The following PKN3 variants were observed in gnomAD, a reference collection of about 807,000 sequenced individuals.
The protein encoded by PKN3 is serine/threonine-protein kinase N3.
A neutral mutation model predicts 113.1 loss-of-function variants in PKN3; 91 were observed. The observed-to-expected ratio is 0.80, with a 90% confidence interval of 0.68 to 0.96. PKN3 has a LOEUF of 0.96. PKN3 is among the 40% of genes least tolerant of loss of function. The pLI is 0.00. For missense variants in PKN3, 1,052 were observed against 1,202.2 expected (o/e 0.88, Z 1.85); for synonymous variants, 467 against 499.0 (o/e 0.94, Z 0.85).
chr9:128,710,554 C>T (rs931579458), intron 6 of PKN3, among the ~76,000 whole-genome samples: 6 of 151,874 alleles, frequency 4.0e-5, no homozygotes, highest in Non-Finnish European at 7.4e-5. Flanking sequence ...TGCAGTGGTG[C>T]GATATCAGCT....
Position 128,705,285 on chromosome 9 carries a change from T to C in PKN3, c.25-18T>C, listed in dbSNP as rs1181423014. ...CCCATGGCTGTTCTCCACCCTCTGC[T>C]TTCCACCGGCTCTGCAGCCTGGGCC... On this transcript the variant is annotated intron_variant, in intron 1 of 21. Coordinates refer to ENST00000291906, the MANE Select transcript of PKN3 (RefSeq NM_013355.5). 1.3e-6 allele frequency: 2 copies of C among 1,549,652 alleles called. No homozygotes were observed. Among genetic ancestry groups the C allele is most frequent in the Non-Finnish European group, 8.7e-7 (1 of 1,147,056 alleles).
Position 128,715,505 on chromosome 9 carries a change from T to A in PKN3, c.1808+45T>A. 4.1e-6 allele frequency: 6 copies of A among 1,470,704 alleles called. No homozygotes were observed. The highest frequency in any genetic ancestry group is 5.7e-6 in the Non-Finnish European group (6 of 1,051,772). 91.1% of individuals were successfully genotyped at this position (1,470,704 alleles called of 1,614,324 possible). ...GGCACCCAGGATGGCTGGCCTGGGC[T>A]GTGGCATCCAGAGGGCAGTTGAAGG... On this transcript the variant is annotated intron_variant, in intron 15 of 21. Coordinates refer to ENST00000291906, the MANE Select transcript of PKN3 (RefSeq NM_013355.5). This position sits in a 1 kb window ranked among gnomAD's most constrained non-coding sequence, Gnocchi z 4.1.
At chr9:128,708,916 G>T (rs1862098684) in intron 6 of PKN3, among the ~76,000 whole-genome samples, 1 of 151,920 alleles carries the variant, frequency 6.6e-6, no homozygotes. Context: ...GTTTAGGAGG[G>T]TGAGGCATGT....
At chr9:128,716,489 T>C (rs1002116556) in intron 15 of PKN3, among the ~76,000 whole-genome samples, 8 of 151,232 alleles carry the variant, frequency 5.3e-5, no homozygotes, top group African/African-American at 2.0e-4. Flanking sequence ...TCCCAGCTAC[T>C]CGGGAGGCTG....
At chr9:128,709,752 CAAAAA>C in intron 6 of PKN3, 1 of 132,050 alleles carries the variant, frequency 7.6e-6, no homozygotes. Flanking sequence ...AACTCTGTCT[CAAAAA>C]AAAAAAAAAT....
Position 128,715,480 on chromosome 9 carries a change from G to A in PKN3, c.1808+20G>A. On this transcript the variant is annotated intron_variant, in intron 15 of 21. Transcript: ENST00000291906. The surrounding 1 kb of genome is among the most constrained non-coding windows in gnomAD (Gnocchi z 4.1). ...AGAGAGGTGTGTGGGGGTGCCGCAG[G>A]GCACCCAGGATGGCTGGCCTGGGCT... 1 of 1,598,364 alleles carries A rather than the reference G, an allele frequency of 6.3e-7. No individual in the cohort carries two copies. Among genetic ancestry groups the A allele is most frequent in the South Asian group, 1.1e-5 (1 of 90,764 alleles).
In PKN3 at chr9:128,702,775, G is replaced by C. The variant is rs1191598855; in HGVS notation, c.-141G>C. 1 of 638,452 alleles carries C rather than the reference G, an allele frequency of 1.6e-6. No homozygotes were observed. The highest frequency in any genetic ancestry group is 1.9e-5 in the African/African-American group (1 of 51,556). The allele number at this position is 638,452 out of a possible 1,614,324, so 39.5% of individuals were successfully genotyped here. On this transcript the variant is annotated 5_prime_UTR_variant, in exon 1 of 22. Transcript: ENST00000291906. Reference sequence around the variant, plus strand: ...GCGGCGCTGGTCCCGCGGGCCAGCGGGTCTCGGGAGGGGGCGCCCGATCCC... The same window carrying C: ...GCGGCGCTGGTCCCGCGGGCCAGCGCGTCTCGGGAGGGGGCGCCCGATCCC...
In PKN3 at chr9:128,719,750, G is replaced by A. The variant is rs1481588830; in HGVS notation, c.2190G>A (p.Val730=). Residue 730 remains valine (V), a synonymous_variant, in exon 19 of 22, where the codon GTG becomes GTA. Transcript: ENST00000291906. ...CCCCGGAGTTCCTGGCTCCCGAGGT[G>A]CTGACCCAGGAGGCATACACACGGG... ...CGTPEFLAPE[V]LTQEAYTRAV... 4 of 1,603,296 alleles carry A rather than the reference G, an allele frequency of 2.5e-6. No homozygotes were observed. Among genetic ancestry groups the A allele is most frequent in the Non-Finnish European group, 3.4e-6 (4 of 1,173,974 alleles).
Position 128,702,905 on chromosome 9 carries a change from G to C in PKN3, c.-11G>C, listed in dbSNP as rs1484619978. 5 of 1,483,756 alleles carry C rather than the reference G, an allele frequency of 3.4e-6. No homozygotes were observed. The highest frequency in any genetic ancestry group is 2.5e-5 in the South Asian group (2 of 79,242). 91.9% of individuals were successfully genotyped at this position (1,483,756 alleles called of 1,614,324 possible). A position where few individuals can be genotyped will look rare whatever the true frequency, so the allele number is the denominator to read the frequency against. On this transcript the variant is annotated 5_prime_UTR_variant, in exon 1 of 22. Transcript: ENST00000291906. ...GCTGAGAGAAGGGCCCCAAGCGGCC[G>C]GAGCGGCGCCATGGAGGAGGGGGCG...
At chr9:128,713,698 A>T in intron 9 of PKN3, 56 bp downstream of exon 9, 1 of 1,563,108 alleles carries the variant, frequency 6.4e-7, no homozygotes, top group South Asian at 1.1e-5. Context: ...CAGGGCCAGG[A>T]AGGCCTTCAA....
chr9:128,704,852 A>G (rs1861959645), intron 1 of PKN3, among the ~76,000 whole-genome samples: 1 of 150,938 alleles, frequency 6.6e-6, no homozygotes, highest in South Asian at 2.1e-4. Context: ...CGGGAGGCAG[A>G]GGTTGTGGTG....
intron 16 of PKN3, 43 bp downstream of exon 16, chr9:128,716,966 C>T (rs1473265580): frequency 4.5e-6 from 7 of 1,559,876 alleles, no homozygotes; most frequent in Non-Finnish European, 6.2e-6. Context: ...GCAAACTTTG[C>T]CTGGTTCCCT....
rs1024762876 is a variant in PKN3, at chr9:128,720,151, T to C, written c.2377-52T>C. On this transcript the variant is annotated intron_variant, in intron 20 of 21. Transcript: ENST00000291906. This position sits in a 1 kb window ranked among gnomAD's most constrained non-coding sequence, Gnocchi z 5.5. ...CAGCGTGCTTGGGGCCTGTGGATGA[T>C]GGCAGTGCCTGGGGCTGAATGCCCT... is the stretch of plus-strand genomic sequence containing the variant. 1 of 1,578,146 alleles carries C rather than the reference T, an allele frequency of 6.3e-7. No homozygotes were observed. Among genetic ancestry groups the C allele is most frequent in the Admixed American group, 1.7e-5 (1 of 58,188 alleles).
chr9:128,713,080 T>C lies in PKN3; in HGVS notation c.864T>C (p.Cys288=). 6.2e-7 allele frequency: 1 copy of C among 1,611,704 alleles called. No homozygotes were observed. Among genetic ancestry groups the C allele is most frequent in the Non-Finnish European group, 8.5e-7 (1 of 1,178,976 alleles). ...CACTGCAGGTCCGCCTCCTGGGCTGTGAACAGTTGCTGACAGCCGTGCCTG... is the reference window on the plus strand; with the variant it reads ...CACTGCAGGTCCGCCTCCTGGGCTGCGAACAGTTGCTGACAGCCGTGCCTG... ...TGTLQVRLLG[C]EQLLTAVPGR... is the part of the protein sequence containing the mutation. The change falls in exon 7 of 22, where the codon TGT becomes TGC. Residue 288 remains cysteine (C), a synonymous_variant. Transcript: ENST00000291906.
In PKN3 at chr9:128,720,525, A is replaced by G. The variant is rs760182735; in HGVS notation, c.2589A>G (p.Ala863=). 1 of 1,613,070 alleles carries G rather than the reference A, an allele frequency of 6.2e-7. No individual in the cohort carries two copies. The highest frequency in any genetic ancestry group is 8.5e-7 in the Non-Finnish European group (1 of 1,179,966). Residue 863 remains alanine, a synonymous_variant, in exon 22 of 22, where the codon GCA becomes GCG. Transcript: ENST00000291906. This position sits in a 1 kb window ranked among gnomAD's most constrained non-coding sequence, Gnocchi z 5.5. ...TGLPPALTPP[A]PHSLLTARQQ... ...TGCCGCCTGCCCTGACCCCACCTGC[A>G]CCCCACAGCCTCCTCACTGCCCGCC...
chr9:128,717,032 G>A, intron 16 of PKN3, 109 bp downstream of exon 16: 1 of 798,784 alleles, frequency 1.3e-6, no homozygotes, highest in Non-Finnish European at 2.0e-6. Context: ...GGGAGCAGGA[G>A]TCAGAGGCCT....
Position 128,715,302 on chromosome 9 carries a change from G to C in PKN3, c.1716+67G>C. On this transcript the variant is annotated intron_variant, in intron 14 of 21. Coordinates refer to ENST00000291906, the MANE Select transcript of PKN3 (RefSeq NM_013355.5). The surrounding 1 kb of genome is among the most constrained non-coding windows in gnomAD (Gnocchi z 4.1). ...CTCATCACATGAGCCGGGAGGACCT[G>C]ATCTGTGGGGGCGGTAAAGGCTCCC... 6.2e-7 allele frequency: 1 copy of C among 1,607,060 alleles called. No homozygotes were observed. The highest frequency in any genetic ancestry group is 1.3e-5 in the African/African-American group (1 of 74,878).
intron 2 of PKN3, 61 bp downstream of exon 2, chr9:128,705,604 C>G (rs1861990280): frequency 1.3e-6 from 2 of 1,544,856 alleles, no homozygotes; most frequent in South Asian, 2.4e-5. Flanking sequence ...GGCCCCTGGC[C>G]TTGGCCCTGG....
intron 6 of PKN3, among the ~76,000 whole-genome samples, chr9:128,711,923 T>G (rs1862189602): frequency 1.3e-5 from 2 of 148,614 alleles, no homozygotes; most frequent in South Asian, 2.1e-4. Flanking sequence ...TGTTTGTTTT[T>G]TTTTGAGCTG....
Sources: allele counts gnomAD v4.1 joint callset (sites outside exome capture counted in the v4.1 genomes callset), GRCh38; gene constraint gnomAD v4.1.1; non-coding constraint Gnocchi (gnomAD v3.1); transcripts MANE v1.5; gene names NCBI Gene and HGNC (gene_info 2026-07-23, HGNC 2026-07-21).